The following ADGRB3 variants were observed in gnomAD, a reference collection of about 807,000 sequenced individuals.
The protein encoded by ADGRB3 is adhesion G protein-coupled receptor B3.
ADGRB3 carries 37 observed loss-of-function variants against 193.4 expected under a neutral mutation model. The ratio of observed to expected loss-of-function variants is 0.19; its 90% CI spans 0.15 to 0.25. The LOEUF is 0.25. Ranked by LOEUF, ADGRB3 falls within the 10% of genes least tolerant of loss-of-function variation. The pLI, the probability that ADGRB3 is intolerant of heterozygous loss-of-function variation, is 1.00. For synonymous variants in ADGRB3, 690 were observed against 644.2 expected (o/e 1.07, Z -1.08); for missense variants, 1,637 against 1,852.9 (o/e 0.88, Z 2.14).
chr6:68,957,607 G>A (rs1768110305), intron 8 of ADGRB3, among the ~76,000 whole-genome samples: 2 of 152,202 alleles, frequency 1.3e-5, no homozygotes, highest in Admixed American at 6.5e-5. Flanking sequence ...AACTCTGTGA[G>A]CAAGCTGACT....
At chr6:69,266,948 T>A (rs1333021574) in intron 20 of ADGRB3, among the ~76,000 whole-genome samples, 1 of 152,108 alleles carries the variant, frequency 6.6e-6, no homozygotes, top group Non-Finnish European at 1.5e-5. Flanking sequence ...TACAGATAAT[T>A]GCTCCGCAGT....
intron 3 of ADGRB3, among the ~76,000 whole-genome samples, chr6:68,929,159 A>G (rs927697723): frequency 6.6e-6 from 1 of 152,152 alleles, no homozygotes; most frequent in African/African-American, 2.4e-5. Flanking sequence ...TGTTATTGAT[A>G]AGCAGAATCA....
chr6:68,745,455 T>G (rs1183923953), intron 3 of ADGRB3, among the ~76,000 whole-genome samples: 2 of 151,578 alleles, frequency 1.3e-5, no homozygotes, highest in Non-Finnish European at 2.9e-5. Context: ...AAGAGAGGAG[T>G]TGTTTAATGA....
chr6:68,827,918 G>A (rs1447896907), intron 3 of ADGRB3, among the ~76,000 whole-genome samples: 1 of 152,074 alleles, frequency 6.6e-6, no homozygotes, highest in African/African-American at 2.4e-5. Flanking sequence ...TTACCCCATG[G>A]TTTCCTTCAG....
chr6:69,280,889 A>G (rs186911836), intron 20 of ADGRB3, among the ~76,000 whole-genome samples: 3 of 152,296 alleles, frequency 2.0e-5, no homozygotes, highest in Admixed American at 1.3e-4. Context: ...ATACAAAAGA[A>G]AAAAGAAAAT....
At chr6:68,826,668 T>C (rs1453029631) in intron 3 of ADGRB3, among the ~76,000 whole-genome samples, 2 of 152,174 alleles carry the variant, frequency 1.3e-5, no homozygotes, top group African/African-American at 4.8e-5. Context: ...GAGGCTATTA[T>C]AGCAACCTAG....
intron 3 of ADGRB3, among the ~76,000 whole-genome samples, chr6:68,658,542 C>T (rs557633972): frequency 6.6e-6 from 1 of 151,280 alleles, no homozygotes; most frequent in Admixed American, 6.6e-5. Context: ...GCAATCTCAT[C>T]TCTCCCAGGA....
intron 3 of ADGRB3, among the ~76,000 whole-genome samples, chr6:68,707,319 G>A (rs567284573): frequency 1.3e-5 from 2 of 152,136 alleles, no homozygotes; most frequent in South Asian, 4.1e-4. Context: ...TCTTAGATAC[G>A]TTCCTTCTCA....
rs191683054 is a variant in ADGRB3, at chr6:69,257,951, A to G, written c.2814+18725A>G. Among the ~76,000 whole-genome samples the G allele has an allele frequency of 2.4e-4, 37 of 152,288 alleles. No individual in the cohort carries two copies. In the East Asian group the frequency reaches 5.0e-3, roughly 21 times the overall value. ...TTTGTAGAAACGTGGTTGTTATCCTATAGTGGAGATTGTTGGAGTGTATTT... is the reference window on the plus strand; with the variant it reads ...TTTGTAGAAACGTGGTTGTTATCCTGTAGTGGAGATTGTTGGAGTGTATTT... On this transcript the variant is annotated intron_variant, in intron 20 of 31. Transcript: ENST00000370598.
intron 3 of ADGRB3, among the ~76,000 whole-genome samples, chr6:68,839,111 T>G (rs2021553): frequency 0.011 from 1,630 of 144,584 alleles, 15 homozygotes; most frequent in South Asian, 0.028. Flanking sequence ...CACACACACA[T>G]TCCCACATAC....
intron 17 of ADGRB3, chr6:69,232,614 G>A (rs701655): frequency 0.1 from 156,478 of 1,535,418 alleles, 8,495 homozygotes; most frequent in Middle Eastern, 0.11. Flanking sequence ...AGTGAAGTGT[G>A]GAGTAGGAAG....
chr6:68,736,762 A>G (rs2127337224), intron 3 of ADGRB3, among the ~76,000 whole-genome samples: 1 of 152,248 alleles, frequency 6.6e-6, no homozygotes, highest in South Asian at 2.1e-4. Flanking sequence ...TCCTAAGGGA[A>G]GCAGGAACAT....
rs914485991 is a variant in ADGRB3 at position 68,768,960 on chromosome 6, A to G, written c.757+129528A>G. 9.2e-5 allele frequency among the ~76,000 whole-genome samples: 14 copies of G among 152,230 alleles called. 1 individual carries two copies. The highest frequency in any genetic ancestry group is 3.1e-4 in the African/African-American group (13 of 41,466). ...AAAAAGCTCATCAACACTGGTCATT[A>G]GAGAAATGCAAATCAAAGCCACAAT... On this transcript the variant is annotated intron_variant, in intron 3 of 31. Transcript: ENST00000370598.
At chr6:69,146,927 G>T (rs1387083994) in intron 17 of ADGRB3, among the ~76,000 whole-genome samples, 1 of 130,484 alleles carries the variant, frequency 7.7e-6, no homozygotes, top group Admixed American at 9.0e-5. Context: ...TTCTAGGTTT[G>T]CCAATTCGTT....
At chr6:69,104,414 A>G (rs1773153330) in intron 17 of ADGRB3, among the ~76,000 whole-genome samples, 2 of 151,340 alleles carry the variant, frequency 1.3e-5, no homozygotes, top group Non-Finnish European at 1.5e-5. Context: ...TATGTGCCAC[A>G]TTTTCTTAAT....
intron 13 of ADGRB3, among the ~76,000 whole-genome samples, chr6:69,043,977 C>T (rs988215249): frequency 3.3e-5 from 5 of 152,040 alleles, no homozygotes; most frequent in African/African-American, 1.2e-4. Flanking sequence ...GAAGGCGGAG[C>T]TTGCAGTGAG....
At chr6:68,777,498 AT>A (rs955864042) in intron 3 of ADGRB3, among the ~76,000 whole-genome samples, 24 of 152,238 alleles carry the variant, frequency 1.6e-4, no homozygotes, top group Admixed American at 1.0e-3. Flanking sequence ...ACGACCAGTA[AT>A]AACCAGAATG....
At chr6:68,732,659 C>T (rs1039601997) in intron 3 of ADGRB3, among the ~76,000 whole-genome samples, 1 of 151,858 alleles carries the variant, frequency 6.6e-6, no homozygotes, top group African/African-American at 2.4e-5. Context: ...TGCCTGAGAT[C>T]GTTCTGCAAG....
intron 20 of ADGRB3, among the ~76,000 whole-genome samples, chr6:69,305,164 G>A (rs1403233828): frequency 6.6e-6 from 1 of 151,554 alleles, no homozygotes; most frequent in Non-Finnish European, 1.5e-5. Flanking sequence ...GTGCCTGGCA[G>A]ATGGCAGCCA....
Sources: gnomAD v4.1 joint callset for allele counts (sites outside exome capture counted in the v4.1 genomes callset) on GRCh38, gnomAD v4.1.1 for gene constraint, MANE v1.5 for transcripts, NCBI Gene and HGNC (gene_info 2026-07-23, HGNC 2026-07-21) for gene names.